The following MCC variants were observed in gnomAD, a reference collection of about 807,000 sequenced individuals.
MCC encodes the protein colorectal mutant cancer protein.
MCC carries 90 observed loss-of-function variants against 116.2 expected under a neutral mutation model. The observed-to-expected ratio is 0.77, with a 90% CI of 0.65 to 0.92. The LOEUF is 0.92. Ranked by LOEUF, MCC falls within the 40% of genes least tolerant of loss-of-function variation. The pLI, the probability that MCC is intolerant of heterozygous loss-of-function variation, is 0.00. For synonymous variants in MCC, 578 were observed against 510.5 expected (o/e 1.13, Z -1.78); for missense variants, 1,516 against 1,312.2 (o/e 1.16, Z -2.40).
At chr5:113,060,750 A>G (rs1363054931) in intron 14 of MCC, among the ~76,000 whole-genome samples, 2 of 152,248 alleles carry the variant, frequency 1.3e-5, no homozygotes, top group Non-Finnish European at 2.9e-5. Flanking sequence ...TGATGAGGAC[A>G]TTTGAGCAGG....
At chr5:113,487,549 G>A (rs969323049) in intron 1 of MCC, among the ~76,000 whole-genome samples, 1 of 152,268 alleles carries the variant, frequency 6.6e-6, no homozygotes, top group Non-Finnish European at 1.5e-5. Flanking sequence ...AAGTTTGTTT[G>A]TGAGTGGAGG....
At chr5:113,409,692 T>C (rs896370782) in intron 1 of MCC, among the ~76,000 whole-genome samples, 1 of 152,172 alleles carries the variant, frequency 6.6e-6, no homozygotes, top group South Asian at 2.1e-4. Context: ...AGGATAATTC[T>C]TACCAATTAA....
At chr5:113,196,914 G>A (rs1762440481) in intron 3 of MCC, among the ~76,000 whole-genome samples, 1 of 152,126 alleles carries the variant, frequency 6.6e-6, no homozygotes, top group Admixed American at 6.5e-5. Flanking sequence ...CCTGTGATCT[G>A]GAACCTCCAC....
intron 3 of MCC, among the ~76,000 whole-genome samples, chr5:113,157,126 C>T (rs1581172521): frequency 1.3e-5 from 2 of 152,222 alleles, no homozygotes; most frequent in East Asian, 3.8e-4. Context: ...GAGAGCCCCT[C>T]CAGGAGTGTC....
At chr5:113,156,093 GC>G (rs1287106972) in intron 3 of MCC, among the ~76,000 whole-genome samples, 25 of 152,304 alleles carry the variant, frequency 1.6e-4, no homozygotes. Flanking sequence ...GCAGAAAGGT[GC>G]CTCAGTCCCT....
intron 3 of MCC, among the ~76,000 whole-genome samples, chr5:113,304,439 T>C (rs79948111): frequency 0.029 from 4,406 of 152,298 alleles, 214 homozygotes; most frequent in African/African-American, 0.1. Context: ...ATTAGTTACA[T>C]TTACAGACTG....
intron 3 of MCC, among the ~76,000 whole-genome samples, chr5:113,241,975 A>G (rs1369162065): frequency 6.6e-6 from 1 of 152,202 alleles, no homozygotes; most frequent in Non-Finnish European, 1.5e-5. Flanking sequence ...ATATTCAAGG[A>G]ACTAATCCAG....
At chr5:113,218,271 C>T (rs1337501665) in intron 3 of MCC, among the ~76,000 whole-genome samples, 1 of 152,106 alleles carries the variant, frequency 6.6e-6, no homozygotes, top group African/African-American at 2.4e-5. Flanking sequence ...CCCTGGCCTT[C>T]AATAGTTTTA....
chr5:113,377,117 G>C (rs1052209937), intron 2 of MCC, among the ~76,000 whole-genome samples: 8 of 152,130 alleles, frequency 5.3e-5, no homozygotes, highest in African/African-American at 1.9e-4. Flanking sequence ...TTGATCCTTT[G>C]AATCCATCCA....
chr5:113,292,082 A>C (rs1766519247), intron 3 of MCC, among the ~76,000 whole-genome samples: 1 of 152,118 alleles, frequency 6.6e-6, no homozygotes, highest in South Asian at 2.1e-4. Context: ...ATATAAAAAA[A>C]TTAGCTGGGC....
intron 3 of MCC, among the ~76,000 whole-genome samples, chr5:113,152,999 A>T (rs1343873516): frequency 6.6e-6 from 1 of 151,838 alleles, no homozygotes; most frequent in Non-Finnish European, 1.5e-5. Flanking sequence ...AGTCTTGTTG[A>T]GATTGTTTTG....
chr5:113,223,625 G>C (rs1255306392), intron 3 of MCC, among the ~76,000 whole-genome samples: 1 of 152,004 alleles, frequency 6.6e-6, no homozygotes, highest in African/African-American at 2.4e-5. Flanking sequence ...TTTAAAGCAG[G>C]GATTAAATGG....
chr5:113,036,838 G>A (rs1751361281), intron 17 of MCC, among the ~76,000 whole-genome samples: 1 of 152,188 alleles, frequency 6.6e-6, no homozygotes, highest in Non-Finnish European at 1.5e-5. Context: ...CATCCCTTGA[G>A]TGAGCCTCAG....
chr5:113,167,377 G>A (rs937522797), intron 3 of MCC, among the ~76,000 whole-genome samples: 3 of 152,172 alleles, frequency 2.0e-5, no homozygotes, highest in African/African-American at 4.8e-5. Context: ...TGGGAGCTAT[G>A]GCATTTACAC....
In MCC at chr5:113,434,593, G is replaced by A. The variant is rs55930004; in HGVS notation, c.171-49381C>T. On this transcript the variant is annotated intron_variant, in intron 1 of 18. Coordinates refer to ENST00000408903, the MANE Select transcript of MCC (RefSeq NM_001085377.2). This position sits in a 1 kb window ranked among gnomAD's most constrained non-coding sequence, Gnocchi z 4.2. ...TCCATGACGATGTAGACCTTGCCAT[G>A]TGATGTCTCAAAGATCTCGTAGGTC... The A allele has an allele frequency of 4.1e-4, 661 of 1,613,958 alleles. 9 individuals are homozygous for A. In the East Asian group the frequency reaches 0.014, roughly 35 times the overall value.
intron 1 of MCC, among the ~76,000 whole-genome samples, chr5:113,469,197 A>G (rs1404960575): frequency 6.6e-6 from 1 of 151,884 alleles, no homozygotes; most frequent in Non-Finnish European, 1.5e-5. Flanking sequence ...TTCTGCTCTG[A>G]TCTTAGTTAT....
At chr5:113,271,871 T>C (rs1036669999) in intron 3 of MCC, among the ~76,000 whole-genome samples, 1 of 152,192 alleles carries the variant, frequency 6.6e-6, no homozygotes, top group Non-Finnish European at 1.5e-5. Flanking sequence ...ATCTTGAACA[T>C]CTCAACTTCT....
At chr5:113,061,203 G>A (rs930398153) in intron 14 of MCC, among the ~76,000 whole-genome samples, 1 of 152,194 alleles carries the variant, frequency 6.6e-6, no homozygotes, top group South Asian at 2.1e-4. Flanking sequence ...CGGCAAGGCT[G>A]CAACCACCAT....
chr5:113,080,815 C>A lies in MCC; in HGVS notation c.1784+2045G>T, dbSNP rs79418504. 6.5e-3 allele frequency among the ~76,000 whole-genome samples: 723 copies of A among 110,612 alleles called. 5 individuals are homozygous for A. Among genetic ancestry groups the A allele is most frequent in the Middle Eastern group, 0.017 (4 of 234 alleles). 72.6% of individuals were successfully genotyped at this position (110,612 alleles called of 152,430 possible). A position where few individuals can be genotyped will look rare whatever the true frequency, so the allele number is the denominator to read the frequency against. On this transcript the variant is annotated intron_variant, in intron 11 of 18. Coordinates refer to ENST00000408903, the MANE Select transcript of MCC (RefSeq NM_001085377.2). ...CTTAAAGTATAATTAACAACAACAA[C>A]AAAAAAAAAAAAGAAAAGAAAAAAG...
Sources: gnomAD v4.1 joint callset for allele counts (sites outside exome capture counted in the v4.1 genomes callset) on GRCh38, gnomAD v4.1.1 for gene constraint, Gnocchi (gnomAD v3.1) non-coding constraint, MANE v1.5 for transcripts, NCBI Gene and HGNC (gene_info 2026-07-23, HGNC 2026-07-21) for gene names.